WBP1L: variants seen among roughly 807,000 people sequenced by gnomAD.
WBP1L encodes the protein WW domain binding protein 1-like.
In WBP1L, 17 loss-of-function variants were observed where a neutral mutation model predicts 33.7. The ratio of observed to expected loss-of-function variants is 0.50; its 90% CI spans 0.34 to 0.76. WBP1L has a LOEUF of 0.76. Ranked by LOEUF, WBP1L falls within the 30% of genes least tolerant of loss-of-function variation. The pLI is 0.01. For missense variants in WBP1L, 389 were observed against 469.4 expected (o/e 0.83, Z 1.58); for synonymous variants, 173 against 190.8 (o/e 0.91, Z 0.77).
intron 1 of WBP1L, among the ~76,000 whole-genome samples, chr10:102,779,701 C>CT (rs36052327): frequency 0.53 from 79,872 of 152,054 alleles, 22,242 homozygotes; most frequent in Non-Finnish European, 0.62. Flanking sequence ...TCCGGCCACA[C>CT]TTTGAGAGAC....
At chr10:102,789,792 G>C (rs890890565) in intron 1 of WBP1L, among the ~76,000 whole-genome samples, 3 of 150,330 alleles carry the variant, frequency 2.0e-5, no homozygotes, top group African/African-American at 7.4e-5. Flanking sequence ...ACCCAGGCTG[G>C]AGTGCAGTGG....
Position 102,813,479 on chromosome 10 carries a change from C to A in WBP1L, c.*148C>A. On this transcript the variant is annotated 3_prime_UTR_variant, in exon 4 of 4. Coordinates refer to ENST00000448841, the MANE Select transcript of WBP1L (RefSeq NM_001083913.2). ...TTTTCCTTCTCCTCTCCTGCATTTT[C>A]CTCCATCTCCAGGTACAGTTCGGGG... 1 of 1,122,496 alleles carries A rather than the reference C, an allele frequency of 8.9e-7. No homozygotes were observed. The highest frequency in any genetic ancestry group is 1.2e-6 in the Non-Finnish European group (1 of 814,010). 69.5% of individuals were successfully genotyped at this position (1,122,496 alleles called of 1,614,324 possible).
intron 1 of WBP1L, among the ~76,000 whole-genome samples, chr10:102,761,379 A>G (rs902425745): frequency 1.3e-5 from 2 of 151,584 alleles, no homozygotes; most frequent in African/African-American, 2.4e-5. Flanking sequence ...ACCTCAGGCA[A>G]TCTGCCTGCC....
intron 1 of WBP1L, among the ~76,000 whole-genome samples, chr10:102,767,233 G>GA (rs1305593878): frequency 2.2e-4 from 34 of 152,182 alleles, no homozygotes; most frequent in African/African-American, 8.0e-4. Flanking sequence ...TGCAGCCTAC[G>GA]AAAGTAATAA....
chr10:102,778,214 G>A (rs1398739203), intron 1 of WBP1L, among the ~76,000 whole-genome samples: 1 of 152,216 alleles, frequency 6.6e-6, no homozygotes, highest in East Asian at 1.9e-4. Flanking sequence ...AACACTGCAG[G>A]GGTGCAGGAA....
At chr10:102,784,571 G>A (rs1342627142) in intron 1 of WBP1L, among the ~76,000 whole-genome samples, 4 of 151,050 alleles carry the variant, frequency 2.6e-5, no homozygotes, top group Non-Finnish European at 4.4e-5. Flanking sequence ...GACTACAGGC[G>A]CCCGCCACCA....
chr10:102,784,872 CTTTTTTTTTT>C (rs61102977), intron 1 of WBP1L, among the ~76,000 whole-genome samples: 3 of 142,302 alleles, frequency 2.1e-5, no homozygotes, highest in African/African-American at 8.0e-5. Flanking sequence ...ACTTTTTTTT[CTTTTTTTTTT>C]TTTTTTAGGG....
At chr10:102,757,872 G>GC (rs1196439667) in intron 1 of WBP1L, among the ~76,000 whole-genome samples, 24 of 34,194 alleles carry the variant, frequency 7.0e-4, no homozygotes, top group African/African-American at 8.6e-4. Flanking sequence ...CACTGTACCT[G>GC]CCCTCCCCCC....
intron 1 of WBP1L, among the ~76,000 whole-genome samples, chr10:102,776,978 C>T (rs1843273533): frequency 6.6e-6 from 1 of 152,004 alleles, no homozygotes; most frequent in African/African-American, 2.4e-5. Flanking sequence ...CCATTTTGGC[C>T]TTACTGACCA....
At chr10:102,774,796 T>C (rs1356796518) in intron 1 of WBP1L, among the ~76,000 whole-genome samples, 2 of 152,110 alleles carry the variant, frequency 1.3e-5, no homozygotes, top group African/African-American at 4.8e-5. Flanking sequence ...TATACTTGCT[T>C]TGAGTCCTGG....
At chr10:102,794,101 G>A in intron 1 of WBP1L, among the ~76,000 whole-genome samples, 1 of 151,996 alleles carries the variant, frequency 6.6e-6, no homozygotes, top group African/African-American at 2.4e-5. Context: ...TAGGCTTTGT[G>A]TAGATCTTAA....
At chr10:102,776,503 A>G in intron 1 of WBP1L, 1 of 1,563,470 alleles carries the variant, frequency 6.4e-7, no homozygotes. Context: ...TGGAGGGAAT[A>G]TTTTAGCAAA....
intron 1 of WBP1L, among the ~76,000 whole-genome samples, chr10:102,778,823 G>C (rs115232469): frequency 1.3e-5 from 2 of 152,080 alleles, no homozygotes; most frequent in Admixed American, 1.3e-4. Context: ...CATCTTTATC[G>C]TACATATGTA....
rs953081281 is a variant in WBP1L, at chr10:102,812,643, G to A, written c.404G>A (p.Arg135Gln). The A allele has an allele frequency of 1.7e-5, 27 of 1,603,614 alleles. No homozygotes were observed. Among genetic ancestry groups the A allele is most frequent in the Non-Finnish European group, 2.2e-5 (26 of 1,175,444 alleles). Residue 135 changes from arginine (R) to glutamine (Q), a missense_variant, in exon 4 of 4, where the codon CGA becomes CAA. Physicochemically the swap from Arg to Gln is conservative, Grantham distance 43. Transcript: ENST00000448841. ...CCTCCTTATGAGGAAGTGGTGAACC[G>A]ACCTCCAACTCCTCCCCCACCATAC... ...LLPPYEEVVN[R>Q]PPTPPPPYSA... is the part of the protein sequence containing the mutation.
intron 1 of WBP1L, chr10:102,744,586 A>G: frequency 1.3e-6 from 1 of 763,004 alleles, no homozygotes; most frequent in Non-Finnish European, 1.6e-6. Context: ...TGGACTGGGG[A>G]AAGTTCCGAG....
At chr10:102,775,808 C>CA (rs999403346) in intron 1 of WBP1L, among the ~76,000 whole-genome samples, 1 of 152,112 alleles carries the variant, frequency 6.6e-6, no homozygotes, top group Admixed American at 6.6e-5. Flanking sequence ...GTGAAACTGA[C>CA]AGACACTGGA....
intron 1 of WBP1L, among the ~76,000 whole-genome samples, chr10:102,783,873 A>C (rs868614509): frequency 6.6e-6 from 1 of 152,222 alleles, no homozygotes; most frequent in South Asian, 2.1e-4. Context: ...CTTGGGAAGC[A>C]GGAGTCACAG....
intron 1 of WBP1L, among the ~76,000 whole-genome samples, chr10:102,779,067 C>T (rs1239063740): frequency 6.6e-6 from 1 of 151,962 alleles, no homozygotes; most frequent in African/African-American, 2.4e-5. Context: ...ACTACCTAGA[C>T]TGTGCGGCTC....
Position 102,813,784 on chromosome 10 carries a change from G to A in WBP1L, c.*453G>A, listed in dbSNP as rs112982754. 1 of 161,362 alleles carries A rather than the reference G, an allele frequency of 6.2e-6. No homozygotes were observed. The highest frequency in any genetic ancestry group is 2.4e-5 in the African/African-American group (1 of 41,640). 10.0% of individuals were successfully genotyped at this position (161,362 alleles called of 1,614,324 possible). The stretch of plus-strand genomic sequence containing the variant: ...GAGGCAGCCCATCTTGGCCCTGGAT[G>A]AAGAAGGAAACCCACAGAGGCCCAG... On this transcript the variant is annotated 3_prime_UTR_variant, in exon 4 of 4. Coordinates refer to ENST00000448841, the MANE Select transcript of WBP1L (RefSeq NM_001083913.2).
Sources: gnomAD v4.1 joint callset for allele counts (sites outside exome capture counted in the v4.1 genomes callset) on GRCh38, gnomAD v4.1.1 for gene constraint, MANE v1.5 for transcripts, NCBI Gene and HGNC (gene_info 2026-07-23, HGNC 2026-07-21) for gene names.